RNF141: variants seen among roughly 807,000 people sequenced by gnomAD.
RNF141 encodes the protein C3HC4-like zinc finger protein.
In RNF141, 18 loss-of-function variants were observed where a neutral mutation model predicts 27.4. The ratio of observed to expected loss-of-function variants is 0.66; its 90% CI spans 0.45 to 0.97. The LOEUF is 0.97. RNF141 is among the 50% of genes least tolerant of loss of function. RNF141 has a pLI of 0.00. For missense variants in RNF141, 230 were observed against 279.4 expected (o/e 0.82, Z 1.26); for synonymous variants, 97 against 96.6 (o/e 1.00, Z -0.02).
chr11:10,520,364 C>G (rs375542152), intron 4 of RNF141, among the ~76,000 whole-genome samples: 1 of 151,946 alleles, frequency 6.6e-6, no homozygotes, highest in Non-Finnish European at 1.5e-5. Flanking sequence ...ACTTTCTAAA[C>G]TTTTTTCTTA....
chr11:10,532,530 CACACACACCCCA>C (rs1390852916), intron 2 of RNF141, among the ~76,000 whole-genome samples: 31 of 148,808 alleles, frequency 2.1e-4, no homozygotes, highest in Admixed American at 6.2e-4. Flanking sequence ...CACACACACA[CACACACACCCCA>C]CAACTATATA....
chr11:10,535,804 T>C (rs1237074632), intron 1 of RNF141, among the ~76,000 whole-genome samples: 1 of 152,168 alleles, frequency 6.6e-6, no homozygotes, highest in Non-Finnish European at 1.5e-5. Flanking sequence ...CACAATGAGG[T>C]ATACCACATA....
chr11:10,512,767 T>G lies in RNF141; in HGVS notation c.*2149A>C, dbSNP rs781425424. On this transcript the variant is annotated 3_prime_UTR_variant, in exon 6 of 6. Coordinates refer to ENST00000265981, the MANE Select transcript of RNF141 (RefSeq NM_016422.4). ...ATTTGACTTGAATTTAATTAAAAAA[T>G]TTTTTTAAAAAAAACGACTCCCACT... 6.6e-6 allele frequency: 1 copy of G among 151,990 alleles called. No homozygotes were observed. The highest frequency in any genetic ancestry group is 1.5e-5 in the Non-Finnish European group (1 of 67,976). The allele number at this position is 151,990 out of a possible 1,614,324, so 9.4% of individuals were successfully genotyped here.
At chr11:10,525,932 G>C (rs535632676) in intron 3 of RNF141, among the ~76,000 whole-genome samples, 2 of 152,268 alleles carry the variant, frequency 1.3e-5, no homozygotes, top group East Asian at 3.9e-4. Context: ...AATATGAGGT[G>C]AAACCAGTGG....
intron 5 of RNF141, chr11:10,518,484 A>G (rs1484432401): frequency 6.6e-6 from 1 of 152,234 alleles, no homozygotes; most frequent in Non-Finnish European, 1.5e-5. Context: ...AAGAAGCCAG[A>G]CAAAAAAAGC....
At position 10,513,029 on chromosome 11, in the gene RNF141, T is replaced by C. The variant is rs1849814151; in HGVS notation, c.*1887A>G. The C allele has an allele frequency of 6.6e-6, 1 of 152,224 alleles. No homozygotes were observed. Among genetic ancestry groups the C allele is most frequent in the South Asian group, 2.1e-4 (1 of 4,830 alleles). The allele number at this position is 152,224 out of a possible 1,614,324, so 9.4% of individuals were successfully genotyped here. ...GCTGAAATAGTGTGAAAACCACAAA[T>C]AAAGTCTCAGTTTCTAAAGTAAGAA... On this transcript the variant is annotated 3_prime_UTR_variant, in exon 6 of 6. Transcript: ENST00000265981.
chr11:10,515,155 A>G (rs1849833708), intron 5 of RNF141, 89 bp from the exon 6 acceptor site: 8 of 1,342,528 alleles, frequency 6.0e-6, no homozygotes, highest in Non-Finnish European at 7.1e-6. Flanking sequence ...ATGGCTTTTA[A>G]AAAGGAAATA....
chr11:10,519,349 T>C (rs771027764), intron 4 of RNF141, among the ~76,000 whole-genome samples: 9 of 152,074 alleles, frequency 5.9e-5, no homozygotes, highest in Non-Finnish European at 1.3e-4. Context: ...CTACATTTCA[T>C]AAAGAAAGAC....
At chr11:10,524,980 A>G (rs1849919270) in intron 4 of RNF141, among the ~76,000 whole-genome samples, 1 of 152,170 alleles carries the variant, frequency 6.6e-6, no homozygotes, top group African/African-American at 2.4e-5. Flanking sequence ...CAGAAACATT[A>G]ATATTAAAGT....
rs544830525 is a variant in RNF141 at position 10,520,136 on chromosome 11, T to G, written c.435-995A>C. 3.9e-5 allele frequency among the ~76,000 whole-genome samples: 6 copies of G among 152,346 alleles called. No individual in the cohort carries two copies. The South Asian group carries it at 1.2e-3, about 32-fold the overall frequency. On this transcript the variant is annotated intron_variant, in intron 4 of 5. Transcript: ENST00000265981. The stretch of plus-strand genomic sequence containing the variant: ...AGCACTTGTACAGTAGTGTACAGAC[T>G]TTATGAACACTGTACATTTAGGCTA...
intron 5 of RNF141, chr11:10,515,597 T>G (rs1364595088): frequency 6.6e-6 from 1 of 152,250 alleles, no homozygotes; most frequent in African/African-American, 2.4e-5. Context: ...AATGGAAGAT[T>G]TGGTCAAAGT....
chr11:10,525,311 T>C lies in RNF141; in HGVS notation c.315A>G (p.Gln105=), dbSNP rs373803578. ...CTTGACTTGTGATATCTTTATAAAGTTGAATAAACTGGTATAAATTCATGA... is the reference window on the plus strand; with the variant it reads ...CTTGACTTGTGATATCTTTATAAAGCTGAATAAACTGGTATAAATTCATGA... The part of the protein sequence containing the change: ...SRIMNLYQFI[Q]LYKDITSQAA... Residue 105 remains glutamine, a synonymous_variant, in exon 4 of 6, where the codon CAA becomes CAG. Coordinates refer to ENST00000265981, the MANE Select transcript of RNF141 (RefSeq NM_016422.4). The C allele has an allele frequency of 3.7e-6, 6 of 1,612,756 alleles. No individual in the cohort carries two copies. The highest frequency in any genetic ancestry group is 2.7e-5 in the African/African-American group (2 of 74,898).
intron 1 of RNF141, among the ~76,000 whole-genome samples, chr11:10,535,930 A>G (rs1850030975): frequency 6.6e-6 from 1 of 152,212 alleles, no homozygotes; most frequent in South Asian, 2.1e-4. Flanking sequence ...GTGTTACAGG[A>G]CTTTTTTAAA....
In RNF141 at chr11:10,519,108, A is replaced by G. The variant is rs1849865731; in HGVS notation, c.468T>C (p.Cys156=). The G allele has an allele frequency of 5.6e-6, 9 of 1,613,918 alleles. No homozygotes were observed. The highest frequency in any genetic ancestry group is 7.6e-6 in the Non-Finnish European group (9 of 1,179,946). The change falls in exon 5 of 6, where the codon TGT becomes TGC. Residue 156 remains cysteine, a synonymous_variant. Coordinates refer to ENST00000265981, the MANE Select transcript of RNF141 (RefSeq NM_016422.4). ...GGTCAGCCCGCCCATCCATACAGATACAACACTCCTCCTCATCGGTCAGCT... is the reference window on the plus strand; with the variant it reads ...GGTCAGCCCGCCCATCCATACAGATGCAACACTCCTCCTCATCGGTCAGCT... ...VKQLTDEEEC[C]ICMDGRADLI...
rs1849806174 is a variant in RNF141 at position 10,512,194 on chromosome 11, T to C, written c.*2722A>G. On this transcript the variant is annotated 3_prime_UTR_variant, in exon 6 of 6. Transcript: ENST00000265981. ...ATAGTAAGTACATTTAAGTACTTCA[T>C]ATTTAAAAAAGACAAAGCTGTACAG... is the stretch of plus-strand genomic sequence containing the variant. The C allele has an allele frequency of 6.6e-6, 1 of 152,618 alleles. No homozygotes were observed. The highest frequency in any genetic ancestry group is 1.5e-5 in the Non-Finnish European group (1 of 68,040). The allele number at this position is 152,618 out of a possible 1,614,324, so 9.5% of individuals were successfully genotyped here.
chr11:10,536,513 C>G (rs547985171), intron 1 of RNF141, among the ~76,000 whole-genome samples: 1 of 152,098 alleles, frequency 6.6e-6, no homozygotes, highest in Non-Finnish European at 1.5e-5. Flanking sequence ...CACTTACATG[C>G]TATTTAATAT....
At chr11:10,528,581 C>T (rs1368736202) in intron 3 of RNF141, among the ~76,000 whole-genome samples, 1 of 152,274 alleles carries the variant, frequency 6.6e-6, no homozygotes, top group Non-Finnish European at 1.5e-5. Context: ...CTGATATATT[C>T]GTATTCCCTT....
At chr11:10,519,756 A>G (rs756854429) in intron 4 of RNF141, among the ~76,000 whole-genome samples, 1 of 147,278 alleles carries the variant, frequency 6.8e-6, no homozygotes, top group Non-Finnish European at 1.5e-5. Context: ...AATACGGTAT[A>G]CAAGATTAAA....
chr11:10,526,588 C>T (rs926177711), intron 3 of RNF141, among the ~76,000 whole-genome samples: 14 of 151,984 alleles, frequency 9.2e-5, no homozygotes, highest in Non-Finnish European at 2.1e-4. Context: ...TTGAGACCAT[C>T]CTGGCTAACA....
Sources: allele counts gnomAD v4.1 joint callset (sites outside exome capture counted in the v4.1 genomes callset), GRCh38; gene constraint gnomAD v4.1.1; transcripts MANE v1.5; gene names NCBI Gene and HGNC (gene_info 2026-07-23, HGNC 2026-07-21).